GABRB1: variants seen among roughly 807,000 people sequenced by gnomAD.
GABRB1 encodes the protein gamma-aminobutyric acid type A receptor subunit beta1.
In GABRB1, 17 loss-of-function variants were observed where a neutral mutation model predicts 51.6. The observed-to-expected ratio is 0.33, with a 90% confidence interval of 0.23 to 0.49. GABRB1 has a LOEUF of 0.49. Among genes scored for constraint, GABRB1 ranks in the 20% least tolerant of loss-of-function variants. The pLI, the probability that GABRB1 is intolerant of heterozygous loss-of-function variation, is 0.99. For missense variants in GABRB1, 410 were observed against 600.6 expected, an observed-to-expected ratio of 0.68 and a Z score of 3.32; for synonymous variants, 247 against 218.9, an observed-to-expected ratio of 1.13 and a Z score of -1.14.
At chr4:47,342,141 T>G (rs1725923426) in intron 5 of GABRB1, among the ~76,000 whole-genome samples, 1 of 152,192 alleles carries the variant, frequency 6.6e-6, no homozygotes, top group African/African-American at 2.4e-5. Context: ...AGAAAAGTTT[T>G]TTTGTTATTT....
chr4:47,189,398 G>A (rs1054435480), intron 4 of GABRB1, among the ~76,000 whole-genome samples: 5 of 151,684 alleles, frequency 3.3e-5, no homozygotes, highest in Non-Finnish European at 5.9e-5. Context: ...TTGATATGGA[G>A]GATAGAATAT....
intron 3 of GABRB1, among the ~76,000 whole-genome samples, chr4:47,086,023 G>T (rs181439546): frequency 2.6e-5 from 4 of 152,240 alleles, no homozygotes; most frequent in African/African-American, 9.6e-5. Context: ...AAAAGGCACA[G>T]AGTGATTTAT....
chr4:47,212,400 G>A (rs1250895680), intron 4 of GABRB1, among the ~76,000 whole-genome samples: 2 of 152,100 alleles, frequency 1.3e-5, no homozygotes, highest in Non-Finnish European at 2.9e-5. Flanking sequence ...CCCAGGGCTG[G>A]GTGTGGTGGC....
At chr4:47,022,387 A>G (rs1724951114) in intron 1 of GABRB1, among the ~76,000 whole-genome samples, 1 of 152,096 alleles carries the variant, frequency 6.6e-6, no homozygotes, top group Non-Finnish European at 1.5e-5. Flanking sequence ...AATTTTAAAA[A>G]CATTGCTTCA....
chr4:47,198,486 G>A (rs961349898), intron 4 of GABRB1, among the ~76,000 whole-genome samples: 1 of 152,102 alleles, frequency 6.6e-6, no homozygotes, highest in Non-Finnish European at 1.5e-5. Context: ...GGATGCTAGG[G>A]GCATGGTAGT....
At chr4:47,295,287 G>A (rs1370777771) in intron 4 of GABRB1, among the ~76,000 whole-genome samples, 1 of 152,196 alleles carries the variant, frequency 6.6e-6, no homozygotes, top group Non-Finnish European at 1.5e-5. Flanking sequence ...AGAGGAGAAG[G>A]CTTCAGACGA....
chr4:47,023,872 G>A (rs566272997), intron 1 of GABRB1, among the ~76,000 whole-genome samples: 2 of 151,850 alleles, frequency 1.3e-5, no homozygotes, highest in South Asian at 4.2e-4. Flanking sequence ...TTGTTATTCC[G>A]GGAACATTAC....
At chr4:47,078,976 T>A (rs1415454381) in intron 3 of GABRB1, among the ~76,000 whole-genome samples, 1 of 152,170 alleles carries the variant, frequency 6.6e-6, no homozygotes, top group African/African-American at 2.4e-5. Context: ...TTGATCATGG[T>A]GGATAAGCTT....
chr4:47,064,859 C>T (rs141234012), intron 3 of GABRB1, among the ~76,000 whole-genome samples: 4 of 152,104 alleles, frequency 2.6e-5, no homozygotes, highest in Non-Finnish European at 2.9e-5. Flanking sequence ...ATCAAATGAA[C>T]GAATGGATGC....
rs79426089 is a variant in GABRB1, at chr4:47,317,183, G to T, written c.462-2944G>T. Among the ~76,000 whole-genome samples, 1,116 of 151,998 alleles carry T rather than the reference G, an allele frequency of 7.3e-3. 14 individuals are homozygous for T. Among genetic ancestry groups the T allele is most frequent in the African/African-American group, 0.026 (1,061 of 41,498 alleles). On this transcript the variant is annotated intron_variant, in intron 4 of 8. Transcript: ENST00000295454. ...CAGCATCTCTGGGCTCCATCTACTA[G>T]ATTCCAGTTTCAAACTTTTAGGTCC...
chr4:47,130,325 CTGTG>C (rs67244692), intron 3 of GABRB1, among the ~76,000 whole-genome samples: 10,737 of 133,380 alleles, frequency 0.08, 549 homozygotes, highest in African/African-American at 0.16. Context: ...GCTCCAGATA[CTGTG>C]TGTGTGTGTG....
chr4:47,425,589 C>T, intron 8 of GABRB1, 85 bp from the exon 9 acceptor site: 1 of 1,040,006 alleles, frequency 9.6e-7, no homozygotes, highest in East Asian at 2.4e-5. Context: ...TTTAATGAGC[C>T]TTATGGGGTA....
chr4:47,162,205 C>T (rs1331677983), intron 4 of GABRB1, among the ~76,000 whole-genome samples: 3 of 152,100 alleles, frequency 2.0e-5, no homozygotes, highest in East Asian at 1.9e-4. Context: ...CAACAAAAAG[C>T]CTACTAATCC....
intron 5 of GABRB1, among the ~76,000 whole-genome samples, chr4:47,331,775 C>A (rs1455218959): frequency 6.6e-6 from 1 of 152,056 alleles, no homozygotes; most frequent in Non-Finnish European, 1.5e-5. Context: ...ATTAATGGGC[C>A]AGGCACTTTA....
At chr4:47,120,600 T>C (rs911566340) in intron 3 of GABRB1, among the ~76,000 whole-genome samples, 1 of 152,200 alleles carries the variant, frequency 6.6e-6, no homozygotes, top group Non-Finnish European at 1.5e-5. Flanking sequence ...GAACCCAGCA[T>C]GTCTCAAGAG....
chr4:47,292,295 G>A (rs115017305), intron 4 of GABRB1, among the ~76,000 whole-genome samples: 2,482 of 152,266 alleles, frequency 0.016, 23 homozygotes, highest in Middle Eastern at 0.058. Context: ...GGAACTGTAA[G>A]TCCAATAAAC....
intron 3 of GABRB1, among the ~76,000 whole-genome samples, chr4:47,137,675 G>A (rs574412082): frequency 9.9e-5 from 15 of 152,148 alleles, no homozygotes; most frequent in African/African-American, 3.4e-4. Flanking sequence ...AGGCTAATAT[G>A]AATCAGAGTA....
At chr4:47,275,888 C>CT in intron 4 of GABRB1, among the ~76,000 whole-genome samples, 1 of 152,146 alleles carries the variant, frequency 6.6e-6, no homozygotes, top group East Asian at 1.9e-4. Context: ...GCTGATCCCT[C>CT]ATGTAACTGT....
At position 47,422,479 on chromosome 4, in the gene GABRB1, G is replaced by A. The variant is rs180982753; in HGVS notation, c.1081-3195G>A. Reference sequence around the variant, plus strand: ...CTGCTTCAGCTCTTATTCTAAGACCGCAAATGGCCTTATTGATAAATCTAT... The same window carrying A: ...CTGCTTCAGCTCTTATTCTAAGACCACAAATGGCCTTATTGATAAATCTAT... On this transcript the variant is annotated intron_variant, in intron 8 of 8. Transcript: ENST00000295454. 2.5e-3 allele frequency among the ~76,000 whole-genome samples: 386 copies of A among 152,196 alleles called. 5 individuals carry two copies. Among genetic ancestry groups the A allele is most frequent in the Admixed American group, 3.4e-3 (52 of 15,290 alleles).
Sources: gnomAD v4.1 joint callset for allele counts (sites outside exome capture counted in the v4.1 genomes callset) on GRCh38, gnomAD v4.1.1 for gene constraint, MANE v1.5 for transcripts, NCBI Gene and HGNC (gene_info 2026-07-23, HGNC 2026-07-21) for gene names.